ARHGEF9: variants seen among roughly 807,000 people sequenced by gnomAD.
ARHGEF9 encodes the protein rho guanine nucleotide exchange factor 9.
In ARHGEF9, 2 loss-of-function variants were observed where a neutral mutation model predicts 41.3. The observed-to-expected ratio is 0.05, with a 90% CI of 0.02 to 0.15. The LOEUF (loss-of-function observed/expected upper bound fraction) is 0.15, where lower values mean the gene tolerates loss of function less well. Among genes scored for constraint, ARHGEF9 ranks in the 10% least tolerant of loss-of-function variants. The probability of loss-of-function intolerance (pLI) is 1.00; values close to 1 mark genes in which losing one functional copy is unlikely to be tolerated. For missense variants in ARHGEF9, 225 were observed against 424.7 expected (o/e 0.53, Z 4.13); for synonymous variants, 160 against 154.4 (o/e 1.04, Z -0.27).
At chrX:63,702,662 T>C (rs1356457519) in intron 3 of ARHGEF9, among the ~76,000 whole-genome samples, 8 of 111,701 alleles carry the variant, frequency 7.2e-5, no homozygotes, top group Admixed American at 6.6e-4. Flanking sequence ...AAGTAGGAAG[T>C]GTTTAGAGCT....
chrX:63,668,203 G>A (rs1471241788), intron 6 of ARHGEF9, among the ~76,000 whole-genome samples: 3 of 109,855 alleles, frequency 2.7e-5, no homozygotes, highest in Admixed American at 9.7e-5. Context: ...GCACGATCTC[G>A]GCTCACTGCA....
intron 3 of ARHGEF9, among the ~76,000 whole-genome samples, chrX:63,705,170 A>G (rs2052445898): frequency 8.9e-6 from 1 of 112,009 alleles, no homozygotes; most frequent in South Asian, 3.7e-4. Context: ...CATTGCAGGA[A>G]GTTCCATTGG....
chrX:63,739,036 C>T (rs1556425013), intron 1 of ARHGEF9, among the ~76,000 whole-genome samples: 1 of 111,759 alleles, frequency 8.9e-6, no homozygotes, highest in Non-Finnish European at 1.9e-5. Context: ...CAAATGGTCT[C>T]CAGAGACACT....
intron 6 of ARHGEF9, chrX:63,670,238 A>G (rs1175079965): frequency 8.9e-6 from 1 of 111,900 alleles, no homozygotes; most frequent in Admixed American, 9.5e-5. Flanking sequence ...TACTGACAGG[A>G]AGGCAGAGGA....
At chrX:63,640,523 A>G (rs1556304657) in intron 9 of ARHGEF9, 1 of 112,345 alleles carries the variant, frequency 8.9e-6, no homozygotes. Flanking sequence ...GGGGAGCTCT[A>G]TACTGATCTA....
intron 9 of ARHGEF9, 63 bp from the exon 10 acceptor site, chrX:63,638,272 T>C: frequency 9.7e-7 from 1 of 1,036,023 alleles, no homozygotes; most frequent in Non-Finnish European, 1.3e-6. Context: ...CTTCTCAAAT[T>C]ACCCAGTGAC....
At chrX:63,661,669 A>G (rs1265940756) in intron 7 of ARHGEF9, among the ~76,000 whole-genome samples, 1 of 111,451 alleles carries the variant, frequency 9.0e-6, no homozygotes, top group Non-Finnish European at 1.9e-5. Context: ...GGGTCACATA[A>G]TTAGAAGCCA....
chrX:63,782,341 T>C (rs1556462716), intron 1 of ARHGEF9, among the ~76,000 whole-genome samples: 1 of 112,186 alleles, frequency 8.9e-6, no homozygotes. Context: ...TTGGTAATAG[T>C]TTCAGGACTG....
At chrX:63,730,753 G>C (rs1294680698) in intron 1 of ARHGEF9, among the ~76,000 whole-genome samples, 2 of 111,622 alleles carry the variant, frequency 1.8e-5, no homozygotes, top group African/African-American at 3.3e-5. Flanking sequence ...ACCATATGTT[G>C]TGCTCCCTGC....
intron 1 of ARHGEF9, among the ~76,000 whole-genome samples, chrX:63,774,207 G>A (rs1276698808): frequency 8.1e-5 from 9 of 111,099 alleles, no homozygotes; most frequent in Non-Finnish European, 1.5e-4. Flanking sequence ...GAGAGGTTTA[G>A]GATTCTGGCC....
intron 8 of ARHGEF9, 102 bp from the exon 9 acceptor site, chrX:63,644,150 T>A (rs1602180107): frequency 4.0e-6 from 2 of 505,182 alleles, no homozygotes; most frequent in Non-Finnish European, 2.9e-6. Flanking sequence ...CTAAGACATA[T>A]AAAAAATCTT....
At chrX:63,688,135 T>C (rs2051103022) in intron 4 of ARHGEF9, among the ~76,000 whole-genome samples, 1 of 110,773 alleles carries the variant, frequency 9.0e-6, no homozygotes. Flanking sequence ...AAATAACATA[T>C]AAAGGAGTTT....
chrX:63,672,333 T>A (rs1398837736), intron 6 of ARHGEF9, among the ~76,000 whole-genome samples: 1 of 109,145 alleles, frequency 9.2e-6, no homozygotes, highest in African/African-American at 3.3e-5. Context: ...CTGAATGAAG[T>A]AGGATGTCAA....
At chrX:63,649,083 G>A (rs2048348140) in intron 8 of ARHGEF9, among the ~76,000 whole-genome samples, 1 of 111,333 alleles carries the variant, frequency 9.0e-6, no homozygotes, top group Non-Finnish European at 1.9e-5. Context: ...ATTGAACTCA[G>A]CTCTGCACCA....
intron 1 of ARHGEF9, among the ~76,000 whole-genome samples, chrX:63,747,761 C>T (rs2055359925): frequency 8.9e-6 from 1 of 112,552 alleles, no homozygotes; most frequent in Non-Finnish European, 1.9e-5. Context: ...ACAAGAGAAA[C>T]ATACACAAAG....
intron 1 of ARHGEF9, chrX:63,755,731 TA>T: frequency 2.2e-6 from 1 of 460,751 alleles, no homozygotes; most frequent in South Asian, 1.1e-4. Context: ...CAATTAGCTA[TA>T]AAAAGCCAAC....
chrX:63,733,781 C>T (rs2054456749), intron 1 of ARHGEF9, among the ~76,000 whole-genome samples: 1 of 111,986 alleles, frequency 8.9e-6, no homozygotes, highest in African/African-American at 3.2e-5. Flanking sequence ...AAAAGGTAGG[C>T]CTAGATGGGG....
intron 6 of ARHGEF9, among the ~76,000 whole-genome samples, chrX:63,670,030 C>T (rs2049843152): frequency 8.9e-6 from 1 of 111,780 alleles, no homozygotes; most frequent in East Asian, 2.8e-4. Flanking sequence ...TTCTTGCCAG[C>T]TTATCTACCT....
chrX:63,663,866 T>C (rs1556344357), intron 7 of ARHGEF9, among the ~76,000 whole-genome samples: 2 of 112,262 alleles, frequency 1.8e-5, no homozygotes, highest in Non-Finnish European at 3.8e-5. Context: ...CATCAGGTAG[T>C]TTTAATGGCC....
Sources: gnomAD v4.1 joint callset for allele counts (sites outside exome capture counted in the v4.1 genomes callset) on GRCh38, gnomAD v4.1.1 for gene constraint, MANE v1.5 for transcripts, NCBI Gene and HGNC (gene_info 2026-07-23, HGNC 2026-07-21) for gene names.